DPP10: variants seen among roughly 807,000 people sequenced by gnomAD.
The protein encoded by DPP10 is dipeptidyl peptidase like 10, also known as inactive dipeptidyl peptidase 10.
A neutral mutation model predicts 120.9 loss-of-function variants in DPP10; 33 were observed. The observed-to-expected ratio is 0.27, with a 90% CI of 0.21 to 0.37. DPP10 has a LOEUF of 0.37. DPP10 is among the 10% of genes least tolerant of loss of function. The pLI is 1.00. For missense variants in DPP10, 816 were observed against 942.8 expected, an observed-to-expected ratio of 0.87 and a Z score of 1.76; for synonymous variants, 337 against 326.1, an observed-to-expected ratio of 1.03 and a Z score of -0.36.
intron 1 of DPP10, among the ~76,000 whole-genome samples, chr2:114,688,129 C>A (rs999869906): frequency 1.3e-5 from 2 of 151,900 alleles, no homozygotes; most frequent in South Asian, 4.2e-4. Context: ...TTCTATAGCA[C>A]CCAGTTCAAG....
At chr2:115,028,131 A>G (rs1703597692) in intron 1 of DPP10, among the ~76,000 whole-genome samples, 1 of 151,644 alleles carries the variant, frequency 6.6e-6, no homozygotes, top group Non-Finnish European at 1.5e-5. Context: ...ACTTCTTTCC[A>G]TGTACTAATT....
At position 115,440,365 on chromosome 2, in the gene DPP10, A is replaced by G. The variant is rs561567941; in HGVS notation, c.272-59145A>G. Reference sequence around the variant, plus strand: ...CGCTGTATGAGCCATGCAGAGCTGCATTTATCTACTGTATTATCTTCCTCC... The same window carrying G: ...CGCTGTATGAGCCATGCAGAGCTGCGTTTATCTACTGTATTATCTTCCTCC... On this transcript the variant is annotated intron_variant, in intron 3 of 25. Coordinates refer to ENST00000410059, the MANE Select transcript of DPP10 (RefSeq NM_020868.6). Among the ~76,000 whole-genome samples the G allele has an allele frequency of 7.2e-5, 11 of 152,276 alleles. No homozygotes were observed. The East Asian group carries it at 1.9e-3, about 27-fold the overall frequency.
At chr2:114,900,345 A>G (rs1390275258) in intron 1 of DPP10, among the ~76,000 whole-genome samples, 1 of 152,248 alleles carries the variant, frequency 6.6e-6, no homozygotes, top group African/African-American at 2.4e-5. Flanking sequence ...TATACAATTT[A>G]TATTCCTACC....
At chr2:115,395,695 A>G (rs78365371) in intron 3 of DPP10, among the ~76,000 whole-genome samples, 1,688 of 152,252 alleles carry the variant, frequency 0.011, 28 homozygotes, top group African/African-American at 0.039. Flanking sequence ...CTTTATCAGT[A>G]AAATGTTTTC....
rs1273598065 is a variant in DPP10 at position 115,069,786 on chromosome 2, C to CT, written c.61-239442dup. Among the ~76,000 whole-genome samples, 73 of 144,176 alleles carry CT rather than the reference C, an allele frequency of 5.1e-4. 1 individual carries two copies. The highest frequency in any genetic ancestry group is 2.4e-3 in the East Asian group (12 of 4,934). The allele number at this position is 144,176 out of a possible 152,430, so 94.6% of individuals were successfully genotyped here. ...TAACCTCTCTGAGAATCTTTCCTTT[C>CT]TTTTTTTTTTTAATTTGGTGAGTGA... is the stretch of plus-strand genomic sequence containing the variant. On this transcript the variant is annotated intron_variant, in intron 1 of 25. Coordinates refer to ENST00000410059, the MANE Select transcript of DPP10 (RefSeq NM_020868.6).
intron 5 of DPP10, among the ~76,000 whole-genome samples, chr2:115,667,063 C>T (rs1416207475): frequency 6.6e-6 from 1 of 152,122 alleles, no homozygotes; most frequent in Non-Finnish European, 1.5e-5. Context: ...AATTAAACCT[C>T]TTTACCATCT....
At chr2:115,400,061 C>G (rs1297345626) in intron 3 of DPP10, among the ~76,000 whole-genome samples, 2 of 152,070 alleles carry the variant, frequency 1.3e-5, no homozygotes, top group South Asian at 4.1e-4. Flanking sequence ...GGGTGCTACA[C>G]ACTTTTAAAT....
intron 3 of DPP10, among the ~76,000 whole-genome samples, chr2:115,477,548 A>T (rs1157984146): frequency 6.6e-6 from 1 of 152,194 alleles, no homozygotes; most frequent in African/African-American, 2.4e-5. Context: ...GGATTGAGAG[A>T]CAGTATTGTT....
chr2:114,600,800 A>T (rs534820482), intron 1 of DPP10, among the ~76,000 whole-genome samples: 5 of 151,932 alleles, frequency 3.3e-5, no homozygotes, highest in Non-Finnish European at 7.4e-5. Flanking sequence ...TGATGCCTGA[A>T]TATTTGGATT....
intron 3 of DPP10, among the ~76,000 whole-genome samples, chr2:115,459,449 G>A (rs1383674860): frequency 1.3e-5 from 2 of 152,064 alleles, no homozygotes; most frequent in East Asian, 1.9e-4. Context: ...GAGCTACCAC[G>A]CCCGGCTGTG....
At chr2:114,663,058 ATG>A (rs886706230) in intron 1 of DPP10, among the ~76,000 whole-genome samples, 6 of 152,106 alleles carry the variant, frequency 3.9e-5, no homozygotes, top group South Asian at 2.1e-4. Flanking sequence ...AGACACATAT[ATG>A]TGTATACATG....
chr2:115,093,057 G>T (rs951699071), intron 1 of DPP10, among the ~76,000 whole-genome samples: 15 of 152,172 alleles, frequency 9.9e-5, no homozygotes, highest in Non-Finnish European at 1.3e-4. Context: ...AAAGCTAGAA[G>T]ATAGGAACTA....
chr2:115,210,030 A>G (rs921980245), intron 1 of DPP10, among the ~76,000 whole-genome samples: 40 of 151,792 alleles, frequency 2.6e-4, no homozygotes, highest in African/African-American at 7.5e-4. Context: ...TATTTTTTAT[A>G]TATATTATAC....
intron 1 of DPP10, among the ~76,000 whole-genome samples, chr2:115,174,330 A>G (rs958621146): frequency 1.6e-4 from 24 of 152,200 alleles, no homozygotes; most frequent in African/African-American, 4.3e-4. Context: ...ATATTTGTCA[A>G]TAATTTAACT....
intron 5 of DPP10, among the ~76,000 whole-genome samples, chr2:115,687,873 G>T (rs1352236026): frequency 6.6e-6 from 1 of 152,014 alleles, no homozygotes; most frequent in Admixed American, 6.6e-5. Context: ...TTTCTCTTTA[G>T]ATGTGTGCCT....
At chr2:114,458,403 T>C (rs1041226689) in intron 1 of DPP10, among the ~76,000 whole-genome samples, 1 of 152,186 alleles carries the variant, frequency 6.6e-6, no homozygotes, top group Admixed American at 6.5e-5. Flanking sequence ...TCTAAGATTC[T>C]GCATTTTGAG....
At chr2:115,037,654 G>T (rs757838261) in intron 1 of DPP10, among the ~76,000 whole-genome samples, 1 of 152,164 alleles carries the variant, frequency 6.6e-6, no homozygotes, top group Non-Finnish European at 1.5e-5. Flanking sequence ...CCGTGCATGA[G>T]CTTCCAAAGT....
At chr2:115,168,067 C>T (rs2053039195) in intron 1 of DPP10, among the ~76,000 whole-genome samples, 1 of 152,080 alleles carries the variant, frequency 6.6e-6, no homozygotes, top group South Asian at 2.1e-4. Context: ...GGAGAGTGTG[C>T]TTGGCAGTGG....
chr2:115,321,942 T>G (rs2106108542), intron 2 of DPP10, among the ~76,000 whole-genome samples: 1 of 152,286 alleles, frequency 6.6e-6, no homozygotes, highest in South Asian at 2.1e-4. Context: ...GTTATTCTGG[T>G]TTCCTTTAGC....
Sources: gnomAD v4.1 joint callset for allele counts (sites outside exome capture counted in the v4.1 genomes callset) on GRCh38, gnomAD v4.1.1 for gene constraint, MANE v1.5 for transcripts, NCBI Gene and HGNC (gene_info 2026-07-23, HGNC 2026-07-21) for gene names.